RNF2: variants seen among roughly 807,000 people sequenced by gnomAD.
RNF2 encodes E3 ubiquitin-protein ligase RING2.
RNF2 carries 6 observed loss-of-function variants against 37.2 expected under a neutral mutation model. The observed-to-expected ratio is 0.16, with a 90% CI of 0.09 to 0.32. The LOEUF (loss-of-function observed/expected upper bound fraction) is 0.32. Among genes scored for constraint, RNF2 ranks in the 10% least tolerant of loss-of-function variants. The pLI, the probability that RNF2 is intolerant of heterozygous loss-of-function variation, is 1.00. For synonymous variants in RNF2, 133 were observed against 132.7 expected (o/e 1.00, Z -0.02); for missense variants, 251 against 404.0 (o/e 0.62, Z 3.25).
In RNF2 at chr1:185,102,228, G is replaced by A. The variant is rs1374535106; in HGVS notation, c.*1927G>A. Reference sequence around the variant, plus strand: ...AATATAATTCTAGGTATTTGATAGGGTATTGAGTGTATTTTGTGTGTGTGT... The same window carrying A: ...AATATAATTCTAGGTATTTGATAGGATATTGAGTGTATTTTGTGTGTGTGT... On this transcript the variant is annotated 3_prime_UTR_variant, in exon 7 of 7. Coordinates refer to ENST00000367510, the MANE Select transcript of RNF2 (RefSeq NM_007212.4). 2 of 152,088 alleles carry A rather than the reference G, an allele frequency of 1.3e-5. No individual in the cohort carries two copies. The allele number at this position is 152,088 out of a possible 1,614,324, so 9.4% of individuals were successfully genotyped here.
chr1:185,100,030 G>A, intron 6 of RNF2, 68 bp downstream of exon 6: 1 of 1,437,362 alleles, frequency 7.0e-7, no homozygotes, highest in Non-Finnish European at 9.6e-7. Context: ...GTGGCAAGTG[G>A]TGGGGTAGAA....
intron 1 of RNF2, among the ~76,000 whole-genome samples, chr1:185,087,005 A>T (rs1651616891): frequency 6.6e-6 from 1 of 152,220 alleles, no homozygotes; most frequent in Non-Finnish European, 1.5e-5. Flanking sequence ...TTTGGAAGTC[A>T]GTAGTAGGCT....
chr1:185,080,510 G>C (rs973794999), intron 1 of RNF2, among the ~76,000 whole-genome samples: 1 of 152,220 alleles, frequency 6.6e-6, no homozygotes, highest in African/African-American at 2.4e-5. Context: ...GATTTTGGCA[G>C]TCTGCAAGAC....
chr1:185,069,076 C>T (rs1010527615), intron 1 of RNF2, among the ~76,000 whole-genome samples: 1 of 152,142 alleles, frequency 6.6e-6, no homozygotes, highest in South Asian at 2.1e-4. Context: ...AATTTAGGCT[C>T]CTAAAATTTT....
At chr1:185,059,954 A>T (rs561299382) in intron 1 of RNF2, among the ~76,000 whole-genome samples, 6 of 152,322 alleles carry the variant, frequency 3.9e-5, no homozygotes, top group Admixed American at 3.9e-4. Context: ...TTGCCAACAG[A>T]CTGTGGCCTT....
In RNF2 at chr1:185,102,352, A is replaced by T. The variant is rs541110494; in HGVS notation, c.*2051A>T. ...TACCTAAGTAATTTCTTTTATCACT[A>T]TCTCAACTGAGGAAGAAAAGGCTCA... On this transcript the variant is annotated 3_prime_UTR_variant, in exon 7 of 7. Transcript: ENST00000367510. The T allele has an allele frequency of 6.6e-6, 1 of 152,194 alleles. No individual in the cohort carries two copies. Among genetic ancestry groups the T allele is most frequent in the South Asian group, 2.1e-4 (1 of 4,836 alleles). 9.4% of individuals were successfully genotyped at this position (152,194 alleles called of 1,614,324 possible). A position where few individuals can be genotyped will look rare whatever the true frequency, so the allele number is the denominator to read the frequency against.
intron 1 of RNF2, chr1:185,071,928 G>A (rs1393275847): frequency 2.6e-5 from 4 of 152,352 alleles, no homozygotes; most frequent in African/African-American, 9.7e-5. Context: ...CTCTCCTCAT[G>A]ACATTGGTGA....
At chr1:185,094,880 C>G (rs1651868711) in intron 4 of RNF2, among the ~76,000 whole-genome samples, 3 of 152,194 alleles carry the variant, frequency 2.0e-5, no homozygotes, top group African/African-American at 7.2e-5. Context: ...TAAAGTCCAT[C>G]TCAGTCTAGT....
At chr1:185,081,777 C>T (rs540194790) in intron 1 of RNF2, among the ~76,000 whole-genome samples, 1 of 152,098 alleles carries the variant, frequency 6.6e-6, no homozygotes, top group South Asian at 2.1e-4. Flanking sequence ...AGAATTGGGC[C>T]CTTTTTGTTG....
intron 3 of RNF2, among the ~76,000 whole-genome samples, chr1:185,092,333 C>T (rs1345755701): frequency 9.2e-5 from 14 of 152,064 alleles, no homozygotes; most frequent in African/African-American, 3.1e-4. Flanking sequence ...TGTATCACCA[C>T]GCCTGGCTAA....
At chr1:185,088,026 G>T (rs1447559316) in intron 2 of RNF2, among the ~76,000 whole-genome samples, 1 of 152,234 alleles carries the variant, frequency 6.6e-6, no homozygotes, top group African/African-American at 2.4e-5. Flanking sequence ...GACTAGGGGA[G>T]GAGCAGGTTT....
chr1:185,080,730 T>G (rs894831956), intron 1 of RNF2, among the ~76,000 whole-genome samples: 2 of 152,210 alleles, frequency 1.3e-5, no homozygotes, highest in Non-Finnish European at 2.9e-5. Context: ...TGCAACTAAC[T>G]TGTCAATCAC....
chr1:185,100,011 A>G lies in RNF2; in HGVS notation c.909+49A>G, dbSNP rs1451783557. On this transcript the variant is annotated intron_variant, in intron 6 of 6. Coordinates refer to ENST00000367510, the MANE Select transcript of RNF2 (RefSeq NM_007212.4). ...GTTGAAACTGGGAGCACACTGACCA[A>G]CTAACTGAGTGGCAAGTGGTGGGGT... is the stretch of plus-strand genomic sequence containing the variant. 25 of 1,532,308 alleles carry G rather than the reference A, an allele frequency of 1.6e-5. 1 individual carries two copies. The South Asian group carries it at 2.4e-4, about 14-fold the overall frequency. 94.9% of individuals were successfully genotyped at this position (1,532,308 alleles called of 1,614,324 possible). A position where few individuals can be genotyped will look rare whatever the true frequency, so the allele number is the denominator to read the frequency against.
At chr1:185,099,672 A>G (rs563804944) in intron 5 of RNF2, 119 bp from the exon 6 acceptor site, 30 of 802,514 alleles carry the variant, frequency 3.7e-5, no homozygotes, top group Middle Eastern at 3.7e-4. Flanking sequence ...TATTTTGTCA[A>G]TAATTGAGAC....
At chr1:185,089,659 C>T (rs772153160) in intron 2 of RNF2, among the ~76,000 whole-genome samples, 13 of 152,098 alleles carry the variant, frequency 8.5e-5, no homozygotes, top group Non-Finnish European at 1.5e-4. Flanking sequence ...CAGAGAAATT[C>T]AGCTATGCAG....
At chr1:185,059,954 A>G (rs561299382) in intron 1 of RNF2, among the ~76,000 whole-genome samples, 1 of 152,204 alleles carries the variant, frequency 6.6e-6, no homozygotes, top group East Asian at 1.9e-4. Flanking sequence ...TTGCCAACAG[A>G]CTGTGGCCTT....
chr1:185,094,527 C>T (rs1349122074), intron 4 of RNF2, among the ~76,000 whole-genome samples: 1 of 152,024 alleles, frequency 6.6e-6, no homozygotes, highest in Admixed American at 6.6e-5. Flanking sequence ...ATAGTATATC[C>T]AGATTCATTC....
At chr1:185,099,431 C>CT (rs1171997123) in intron 5 of RNF2, among the ~76,000 whole-genome samples, 22 of 152,184 alleles carry the variant, frequency 1.4e-4, no homozygotes, top group African/African-American at 5.3e-4. Context: ...GTTTCTGTTG[C>CT]TGCTATAGCC....
At chr1:185,097,458 T>C (rs1223079998) in intron 4 of RNF2, among the ~76,000 whole-genome samples, 1 of 152,240 alleles carries the variant, frequency 6.6e-6, no homozygotes, top group Non-Finnish European at 1.5e-5. Flanking sequence ...ATGCCTTTCT[T>C]CAGACCTGTA....
Sources: allele counts gnomAD v4.1 joint callset (sites outside exome capture counted in the v4.1 genomes callset), GRCh38; gene constraint gnomAD v4.1.1; transcripts MANE v1.5; gene names NCBI Gene and HGNC (gene_info 2026-07-23, HGNC 2026-07-21).